The following IL4R variants were observed in gnomAD, a reference collection of about 807,000 sequenced individuals.
IL4R encodes the protein interleukin-4 receptor subunit alpha.
IL4R carries 17 observed loss-of-function variants against 41.5 expected under a neutral mutation model. That is an observed-to-expected ratio of 0.41 (90% CI 0.28 to 0.61). The LOEUF is 0.61. Among genes scored for constraint, IL4R ranks in the 20% least tolerant of loss-of-function variants. The pLI is 0.31. For synonymous variants in IL4R, 402 were observed against 422.9 expected, an observed-to-expected ratio of 0.95 and a Z score of 0.61; for missense variants, 974 against 1,043.1, an observed-to-expected ratio of 0.93 and a Z score of 0.91.
intron 6 of IL4R, among the ~76,000 whole-genome samples, chr16:27,351,206 A>G (rs1337667903): frequency 6.6e-6 from 1 of 152,172 alleles, no homozygotes; most frequent in African/African-American, 2.4e-5. Flanking sequence ...TGAGAGCCTC[A>G]GTTTCGTGCT....
intron 2 of IL4R, among the ~76,000 whole-genome samples, chr16:27,332,345 G>T (rs538722470): frequency 4.6e-5 from 7 of 152,022 alleles, no homozygotes; most frequent in East Asian, 1.9e-4. Context: ...CCAAGGAAAG[G>T]GGGGGAAAGC....
chr16:27,314,226 C>T, intron 1 of IL4R: 2 of 587,246 alleles, frequency 3.4e-6, no homozygotes, highest in Non-Finnish European at 2.1e-6. Context: ...AGGCGCGAGG[C>T]CCGGGGTACG....
chr16:27,325,447 A>G (rs886424609), intron 1 of IL4R, among the ~76,000 whole-genome samples: 14 of 151,910 alleles, frequency 9.2e-5, no homozygotes, highest in African/African-American at 1.7e-4. Flanking sequence ...TGTTGTGGGC[A>G]CCTGTAGTCC....
At chr16:27,359,838 G>A (rs1356047887) in intron 9 of IL4R, 1 of 456,386 alleles carries the variant, frequency 2.2e-6, no homozygotes, top group Non-Finnish European at 4.4e-6. Context: ...TGTAACAAAC[G>A]ACCCCGAAAT....
chr16:27,335,646 G>C (rs2085242045), intron 2 of IL4R, among the ~76,000 whole-genome samples: 2 of 152,098 alleles, frequency 1.3e-5, no homozygotes. Flanking sequence ...GTTTTGTCCA[G>C]GTCAGGCTAG....
intron 8 of IL4R, among the ~76,000 whole-genome samples, chr16:27,357,149 A>T (rs972927331): frequency 4.6e-5 from 7 of 152,126 alleles, no homozygotes; most frequent in Non-Finnish European, 7.4e-5. Flanking sequence ...CTTGTCACTG[A>T]TGCCTCCGAG....
chr16:27,331,799 A>G (rs1054544246), intron 2 of IL4R, among the ~76,000 whole-genome samples: 3 of 152,086 alleles, frequency 2.0e-5, no homozygotes, highest in Admixed American at 2.0e-4. Context: ...ATCCAATAAT[A>G]GTATTATTCA....
Position 27,340,289 on chromosome 16 carries a change from T to C in IL4R, c.70+16T>C, listed in dbSNP as rs778657623. ...GCAAGCTCTGGTAAGTCACCACTTC[T>C]CAATCATTCATTTGTTGGCTATTAA... On this transcript the variant is annotated intron_variant, in intron 3 of 10. Transcript: ENST00000395762. The C allele has an allele frequency of 6.2e-7, 1 of 1,603,394 alleles. No individual in the cohort carries two copies. Among genetic ancestry groups the C allele is most frequent in the East Asian group, 2.2e-5 (1 of 44,824 alleles).
At chr16:27,327,784 C>T (rs948929751) in intron 1 of IL4R, among the ~76,000 whole-genome samples, 1 of 152,110 alleles carries the variant, frequency 6.6e-6, no homozygotes, top group Non-Finnish European at 1.5e-5. Flanking sequence ...TTAATGGCAC[C>T]TACCTCATAG....
At chr16:27,331,723 T>C (rs554468270) in intron 2 of IL4R, among the ~76,000 whole-genome samples, 1 of 152,242 alleles carries the variant, frequency 6.6e-6, no homozygotes, top group South Asian at 2.1e-4. Flanking sequence ...GTGTCCTTAC[T>C]GATTTCTGCC....
Position 27,363,189 on chromosome 16 carries a change from A to C in IL4R, c.1837A>C (p.Ser613Arg), listed in dbSNP as rs1340929082. The C allele has an allele frequency of 3.1e-6, 5 of 1,611,154 alleles. No homozygotes were observed. The highest frequency in any genetic ancestry group is 4.2e-6 in the Non-Finnish European group (5 of 1,178,292). Residue 613 changes from serine (S) to arginine (R), a missense_variant, in exon 11 of 11, where the codon AGT becomes CGT. Around this residue, in one of 3 missense-constraint regions of IL4R, gnomAD observed 682 missense variants for 704.3 expected, o/e 0.97. Coordinates refer to ENST00000395762, the MANE Select transcript of IL4R (RefSeq NM_000418.4). Reference sequence around the variant, plus strand: ...GGCCTTCTCAAGCCTGCTTGCCAGCAGTGCTGTGTCCCCAGAGAAATGTGG... The same window carrying C: ...GGCCTTCTCAAGCCTGCTTGCCAGCCGTGCTGTGTCCCCAGAGAAATGTGG... ...YKAFSSLLAS[S>R]AVSPEKCGFG... is the part of the protein sequence containing the mutation.
chr16:27,362,042 T>C (rs2086310303), intron 10 of IL4R, among the ~76,000 whole-genome samples: 1 of 152,204 alleles, frequency 6.6e-6, no homozygotes, highest in East Asian at 1.9e-4. Context: ...GGACATGTGC[T>C]GGGTTCCCGA....
intron 10 of IL4R, among the ~76,000 whole-genome samples, chr16:27,361,674 G>A (rs2086292354): frequency 6.9e-6 from 1 of 143,996 alleles, no homozygotes; most frequent in Non-Finnish European, 1.5e-5. Flanking sequence ...GGAGTGCAGT[G>A]ATTCACTGCA....
chr16:27,352,836 CCG>C, intron 7 of IL4R, 140 bp downstream of exon 7: 1 of 834,714 alleles, frequency 1.2e-6, no homozygotes, highest in Non-Finnish European at 1.9e-6. Context: ...GATACACCTG[CCG>C]TGGTGTATCT....
At chr16:27,341,598 A>G (rs546588914) in intron 3 of IL4R, among the ~76,000 whole-genome samples, 1 of 152,292 alleles carries the variant, frequency 6.6e-6, no homozygotes, top group East Asian at 1.9e-4. Flanking sequence ...TGTCTCCTCC[A>G]GCCCATCCAT....
At chr16:27,347,111 A>G (rs138659200) in intron 6 of IL4R, among the ~76,000 whole-genome samples, 4 of 152,308 alleles carry the variant, frequency 2.6e-5, no homozygotes, top group South Asian at 4.1e-4. Flanking sequence ...AGACTTTCCC[A>G]AGAAAACAAG....
intron 3 of IL4R, among the ~76,000 whole-genome samples, chr16:27,341,528 T>C (rs1464406047): frequency 6.6e-6 from 1 of 152,092 alleles, no homozygotes; most frequent in Non-Finnish European, 1.5e-5. Flanking sequence ...ATCCTGCCAA[T>C]TCCAGTCCTG....
rs2141224718 is a variant in IL4R, at chr16:27,362,673, G to A, written c.1321G>A (p.Ala441Thr). The A allele has an allele frequency of 1.9e-6, 3 of 1,614,148 alleles. No individual in the cohort carries two copies. Among genetic ancestry groups the A allele is most frequent in the Non-Finnish European group, 2.5e-6 (3 of 1,180,006 alleles). Residue 441 changes from alanine (A) to threonine (T), a missense_variant, in exon 11 of 11, where the codon GCT (alanine) becomes ACT (threonine). Around this residue, in one of 3 missense-constraint regions of IL4R, gnomAD observed 682 missense variants for 704.3 expected, o/e 0.97. Transcript: ENST00000395762. ...CLLPPSGSTS[A>T]HMPWDEFPSA... The stretch of plus-strand genomic sequence containing the variant: ...TCTTCCACCTTCGGGAAGTACGAGT[G>A]CTCACATGCCCTGGGATGAGTTCCC...
At chr16:27,354,907 A>G (rs1272060111) in intron 7 of IL4R, 3 of 416,602 alleles carry the variant, frequency 7.2e-6, no homozygotes, top group East Asian at 7.5e-5. Context: ...CCAGCACAGA[A>G]CCAGGTGCTT....
Sources: gnomAD v4.1 joint callset for allele counts (sites outside exome capture counted in the v4.1 genomes callset) on GRCh38, gnomAD v4.1.1 for gene constraint, gnomAD v4.1.1 regional missense constraint, MANE v1.5 for transcripts, NCBI Gene and HGNC (gene_info 2026-07-23, HGNC 2026-07-21) for gene names.